SLC26A5: variants seen among roughly 807,000 people sequenced by gnomAD.
SLC26A5 encodes prestin.
A neutral mutation model predicts 81.0 loss-of-function variants in SLC26A5; 51 were observed. The ratio of observed to expected loss-of-function variants is 0.63; its 90% confidence interval spans 0.50 to 0.80. The LOEUF is 0.80. Ranked by LOEUF, SLC26A5 falls within the 30% of genes least tolerant of loss-of-function variation. SLC26A5 has a pLI of 0.00. For missense variants in SLC26A5, 771 were observed against 905.8 expected (o/e 0.85, Z 1.91); for synonymous variants, 325 against 332.8 (o/e 0.98, Z 0.25).
chr7:103,358,740 ATCTAGG>A (rs2116190110), intron 19 of SLC26A5, among the ~76,000 whole-genome samples: 1 of 152,230 alleles, frequency 6.6e-6, no homozygotes, highest in South Asian at 2.1e-4. Flanking sequence ...AAATTAAAAA[ATCTAGG>A]TACATTTTTC....
chr7:103,396,655 T>C (rs955304279), intron 9 of SLC26A5, among the ~76,000 whole-genome samples: 1 of 151,702 alleles, frequency 6.6e-6, no homozygotes, highest in African/African-American at 2.4e-5. Context: ...AGATGAACGG[T>C]GGTTACTGGG....
In SLC26A5 at chr7:103,389,089, G is replaced by A. The variant is rs1346126104; in HGVS notation, c.1433C>T (p.Ser478Phe). The part of the protein sequence containing the change: ...ELTIWLTTFV[S>F]SLFLGLDYGL... The stretch of plus-strand genomic sequence containing the variant: ...ATAGTCCAATCCCAGGAACAAGGAG[G>A]ACACAAAAGTGGTAAGCCAGATGGT... Residue 478 changes from serine (S) to phenylalanine (F), a missense_variant, in exon 14 of 20, where the codon TCC becomes TTC. Ser to Phe is a radical substitution (Grantham distance 155). Transcript: ENST00000306312. The A allele has an allele frequency of 1.9e-6, 3 of 1,613,628 alleles. No individual in the cohort carries two copies. In the Admixed American group the frequency reaches 5.0e-5, roughly 27 times the overall value.
intron 7 of SLC26A5, among the ~76,000 whole-genome samples, chr7:103,409,327 G>A (rs1432562267): frequency 1.3e-5 from 2 of 152,202 alleles, no homozygotes; most frequent in East Asian, 3.8e-4. Flanking sequence ...CTCTTTTCAA[G>A]GATAGCTTTA....
At chr7:103,444,863 T>G (rs1204686518) in intron 1 of SLC26A5, among the ~76,000 whole-genome samples, 1 of 152,324 alleles carries the variant, frequency 6.6e-6, no homozygotes, top group East Asian at 1.9e-4. Context: ...TCCTGTCCTT[T>G]GCCTGAAAGT....
At chr7:103,420,624 G>C (rs1825273868) in intron 4 of SLC26A5, 114 bp downstream of exon 4, 5 of 1,381,348 alleles carry the variant, frequency 3.6e-6, no homozygotes, top group Admixed American at 1.8e-5. Context: ...GATAGGTAAA[G>C]GTTACTAGAA....
In SLC26A5 at chr7:103,367,204, A is replaced by G. The variant is rs1282055692; in HGVS notation, c.2041+9604T>C. Among the ~76,000 whole-genome samples, 1 of 152,148 alleles carries G rather than the reference A, an allele frequency of 6.6e-6. No individual in the cohort carries two copies. Among genetic ancestry groups the G allele is most frequent in the Non-Finnish European group, 1.5e-5 (1 of 68,038 alleles). The stretch of plus-strand genomic sequence containing the variant: ...ATAGGCAGTTTAAAAAACGTTAAGT[A>G]AATCTGTGATGAATACTTTTGAAAG... On this transcript the variant is annotated intron_variant, in intron 19 of 19. Transcript: ENST00000339444. This position sits in a 1 kb window ranked among gnomAD's most constrained non-coding sequence, Gnocchi z 6.1.
At chr7:103,365,486 G>A (rs6972190) in intron 19 of SLC26A5, among the ~76,000 whole-genome samples, 116,761 of 151,956 alleles carry the variant, frequency 0.77, 47,134 homozygotes, top group East Asian at 0.96. Context: ...AGAAAAAGCC[G>A]GGTGTGGTGG....
chr7:103,411,465 T>C lies in SLC26A5; in HGVS notation c.525A>G (p.Arg175=). ...AGGTCACAGACATGGCGACTTTCAC[T>C]CTCAAGGCATCTCTGGCCTCTGTGC... ...TNGTEARDAL[R]VKVAMSVTLL... The change falls in exon 6 of 20, where the codon AGA becomes AGG. Residue 175 remains arginine, a synonymous_variant. Coordinates refer to ENST00000306312, the MANE Select transcript of SLC26A5 (RefSeq NM_198999.3). 1 of 1,614,162 alleles carries C rather than the reference T, an allele frequency of 6.2e-7. No individual in the cohort carries two copies. The highest frequency in any genetic ancestry group is 8.5e-7 in the Non-Finnish European group (1 of 1,180,028).
In SLC26A5 at chr7:103,446,086, G is replaced by C. The variant is rs1419632085; in HGVS notation, c.-183+12C>G. On this transcript the variant is annotated intron_variant, in intron 1 of 19. Coordinates refer to ENST00000306312, the MANE Select transcript of SLC26A5 (RefSeq NM_198999.3). ...GCGACCCCCGGCCCCGCGGCCGCCC[G>C]CGCGCACTCACCAGCCCGGGCTGCC... 1 of 151,844 alleles carries C rather than the reference G, an allele frequency of 6.6e-6. No individual in the cohort carries two copies. Among genetic ancestry groups the C allele is most frequent in the Non-Finnish European group, 1.5e-5 (1 of 68,062 alleles). 9.4% of individuals were successfully genotyped at this position (151,844 alleles called of 1,614,324 possible).
At chr7:103,410,296 T>G (rs150199459) in intron 7 of SLC26A5, 89 bp downstream of exon 7, 2 of 1,150,226 alleles carry the variant, frequency 1.7e-6, no homozygotes, top group Non-Finnish European at 2.6e-6. Flanking sequence ...AAAAGAAAAA[T>G]GAGTCTTGAA....
At chr7:103,364,958 C>CATACATATATATATATATATATATAT (rs374432802) in intron 19 of SLC26A5, among the ~76,000 whole-genome samples, 5 of 125,482 alleles carry the variant, frequency 4.0e-5, no homozygotes, top group African/African-American at 1.5e-4. Context: ...TGTAGACATA[C>CATACATATATATATATATATATATAT]ATATATATAT....
rs372357276 is a variant in SLC26A5, at chr7:103,390,071, T to C, written c.1311+358A>G. Among the ~76,000 whole-genome samples the C allele has an allele frequency of 1.4e-4, 21 of 152,308 alleles. No individual in the cohort carries two copies. In the East Asian group the frequency reaches 4.0e-3, roughly 29 times the overall value. On this transcript the variant is annotated intron_variant, in intron 12 of 19. Coordinates refer to ENST00000306312, the MANE Select transcript of SLC26A5 (RefSeq NM_198999.3). ...TATATGGTTCCTGATCTCTACTAGATTAAATATACCATCATGTAAATGTCT... is the reference window on the plus strand; with the variant it reads ...TATATGGTTCCTGATCTCTACTAGACTAAATATACCATCATGTAAATGTCT...
chr7:103,364,412 C>A lies in SLC26A5; in HGVS notation c.2042-11486G>T, dbSNP rs560379724. 5.1e-4 allele frequency: 671 copies of A among 1,319,344 alleles called. 1 individual carries two copies. The highest frequency in any genetic ancestry group is 7.1e-4 in the Middle Eastern group (3 of 4,222). The allele number at this position is 1,319,344 out of a possible 1,614,324, so 81.7% of individuals were successfully genotyped here. A position where few individuals can be genotyped will look rare whatever the true frequency, so the allele number is the denominator to read the frequency against. On this transcript the variant is annotated intron_variant, in intron 19 of 19. Coordinates refer to the SLC26A5 transcript ENST00000339444. ...ATTGAGGGATCCAGACCTGAAATTT[C>A]TTTTTTCTTTTGTTGAGACAGAGTC...
intron 10 of SLC26A5, among the ~76,000 whole-genome samples, chr7:103,392,630 T>G (rs1163105268): frequency 1.3e-5 from 2 of 152,140 alleles, no homozygotes; most frequent in African/African-American, 4.8e-5. Flanking sequence ...CAGGCTGGAG[T>G]GCAGCGGCGC....
intron 10 of SLC26A5, 56 bp from the exon 11 acceptor site, chr7:103,391,791 A>G: frequency 7.5e-7 from 1 of 1,330,302 alleles, no homozygotes; most frequent in Non-Finnish European, 1.1e-6. Context: ...AGGAAAAAAA[A>G]GCATAATAGC....
chr7:103,406,070 G>A (rs1029166592), intron 8 of SLC26A5, among the ~76,000 whole-genome samples: 1 of 152,196 alleles, frequency 6.6e-6, no homozygotes, highest in African/African-American at 2.4e-5. Flanking sequence ...AGACTGCTGT[G>A]GTGGCAGTGA....
intron 2 of SLC26A5, among the ~76,000 whole-genome samples, chr7:103,424,483 T>C (rs1232277480): frequency 6.6e-6 from 1 of 152,248 alleles, no homozygotes; most frequent in Non-Finnish European, 1.5e-5. Flanking sequence ...TGATAATGCA[T>C]GCCATGCTTC....
At position 103,407,930 on chromosome 7, in the gene SLC26A5, C is replaced by T. The variant is rs1381880489; in HGVS notation, c.809G>A (p.Gly270Asp). ...AAACTCCTTGCCACCCAACAGCAAA[C>T]CAAAAACCATCAGCCCGACGCCTAG... ...CSLGVGLMVF[G>D]LLLGGKEFNE... Residue 270 changes from glycine to aspartate, a missense_variant, in exon 8 of 20, where the codon GGT becomes GAT. Transcript: ENST00000306312. 6.2e-7 allele frequency: 1 copy of T among 1,614,196 alleles called. No homozygotes were observed. The highest frequency in any genetic ancestry group is 1.7e-5 in the Admixed American group (1 of 60,022).
intron 1 of SLC26A5, among the ~76,000 whole-genome samples, chr7:103,444,998 C>T (rs1197932921): frequency 1.3e-5 from 2 of 152,200 alleles, no homozygotes; most frequent in Non-Finnish European, 2.9e-5. Context: ...CATTTCTATG[C>T]TGTAAATTCC....
Sources: gnomAD v4.1 joint callset for allele counts (sites outside exome capture counted in the v4.1 genomes callset) on GRCh38, gnomAD v4.1.1 for gene constraint, Gnocchi (gnomAD v3.1) non-coding constraint, MANE v1.5 for transcripts, NCBI Gene and HGNC (gene_info 2026-07-23, HGNC 2026-07-21) for gene names.